GREM2: variants seen among roughly 807,000 people sequenced by gnomAD.
The protein encoded by GREM2 is gremlin-2.
In GREM2, 11 loss-of-function variants were observed where a neutral mutation model predicts 14.2. That is an observed-to-expected ratio of 0.78 (90% CI 0.49 to 1.28). The LOEUF is 1.28. GREM2 is among the 50% of genes most tolerant of loss of function. The pLI is 0.00. For missense variants in GREM2, 210 were observed against 218.5 expected (o/e 0.96, Z 0.24); for synonymous variants, 98 against 97.6 (o/e 1.00, Z -0.02).
intron 1 of GREM2, among the ~76,000 whole-genome samples, chr1:240,529,320 G>C (rs1475260574): frequency 8.2e-6 from 1 of 121,336 alleles, no homozygotes; most frequent in Non-Finnish European, 1.6e-5. Context: ...TTGTATATTT[G>C]CATCAAAGAA....
intron 1 of GREM2, among the ~76,000 whole-genome samples, chr1:240,599,830 T>C (rs895838557): frequency 6.6e-6 from 1 of 152,192 alleles, no homozygotes; most frequent in Non-Finnish European, 1.5e-5. Context: ...ACTGTTTCAG[T>C]GGACCTCGGC....
rs1321723330 is a variant in GREM2 at position 240,561,693 on chromosome 1, T to C, written c.-2+50191A>G. ...ATTAGTCACACAAAATAATCCTGCATACACACACACACACACACACACACA... is the reference window on the plus strand; with the variant it reads ...ATTAGTCACACAAAATAATCCTGCACACACACACACACACACACACACACA... On this transcript the variant is annotated intron_variant, in intron 1 of 1. Transcript: ENST00000318160. Among the ~76,000 whole-genome samples, 4 of 145,630 alleles carry C rather than the reference T, an allele frequency of 2.7e-5. No individual in the cohort carries two copies. The East Asian group carries it at 6.1e-4, about 22-fold the overall frequency.
At chr1:240,519,399 A>G (rs183690629) in intron 1 of GREM2, among the ~76,000 whole-genome samples, 1 of 147,044 alleles carries the variant, frequency 6.8e-6, no homozygotes, top group East Asian at 2.0e-4. Flanking sequence ...TTCATGCTTC[A>G]TCTCTATCCT....
At chr1:240,512,885 T>G (rs1677863907) in intron 1 of GREM2, among the ~76,000 whole-genome samples, 1 of 152,184 alleles carries the variant, frequency 6.6e-6, no homozygotes, top group Non-Finnish European at 1.5e-5. Context: ...AACACTACTT[T>G]GGCACTTTCA....
At position 240,492,582 on chromosome 1, in the gene GREM2, G is replaced by A. The variant is rs1328343888; in HGVS notation, c.*387C>T. ...TTCACTTCGCGCGGGAAAGGGGCGA[G>A]CTGGAGTGCAGGGCGGGGCCAGGGA... On this transcript the variant is annotated 3_prime_UTR_variant, in exon 2 of 2. Coordinates refer to ENST00000318160, the MANE Select transcript of GREM2 (RefSeq NM_022469.4). The A allele has an allele frequency of 6.1e-6, 1 of 164,164 alleles. No individual in the cohort carries two copies. 10.2% of individuals were successfully genotyped at this position (164,164 alleles called of 1,614,324 possible).
chr1:240,542,729 T>C lies in GREM2; in HGVS notation c.-1-49253A>G, dbSNP rs2103327570. 6.6e-6 allele frequency among the ~76,000 whole-genome samples: 1 copy of C among 152,304 alleles called. No homozygotes were observed. Among genetic ancestry groups the C allele is most frequent in the South Asian group, 2.1e-4 (1 of 4,826 alleles). ...CACTCAGTTTTGACAGAATTTGAATTATCTGATGGTTTGGCATAAGAAGAT... is the reference window on the plus strand; with the variant it reads ...CACTCAGTTTTGACAGAATTTGAATCATCTGATGGTTTGGCATAAGAAGAT... On this transcript the variant is annotated intron_variant, in intron 1 of 1. Coordinates refer to ENST00000318160, the MANE Select transcript of GREM2 (RefSeq NM_022469.4). The surrounding 1 kb of genome is among the most constrained non-coding windows in gnomAD (Gnocchi z 4.1).
At chr1:240,497,215 C>T (rs1408038879) in intron 1 of GREM2, among the ~76,000 whole-genome samples, 1 of 152,160 alleles carries the variant, frequency 6.6e-6, no homozygotes. Flanking sequence ...TTACAGTGCA[C>T]ATTCCTGGGC....
chr1:240,563,302 C>A, intron 1 of GREM2, among the ~76,000 whole-genome samples: 1 of 151,926 alleles, frequency 6.6e-6, no homozygotes, highest in Non-Finnish European at 1.5e-5. Flanking sequence ...CTGCAGTGTT[C>A]TAAAAAAAAT....
At chr1:240,497,729 C>T (rs1327105287) in intron 1 of GREM2, among the ~76,000 whole-genome samples, 1 of 150,538 alleles carries the variant, frequency 6.6e-6, no homozygotes, top group African/African-American at 2.4e-5. Context: ...GGGTTTTTCT[C>T]ATGCCTCCTT....
chr1:240,541,074 A>C (rs2103325637), intron 1 of GREM2, among the ~76,000 whole-genome samples: 1 of 152,344 alleles, frequency 6.6e-6, no homozygotes, highest in East Asian at 1.9e-4. Flanking sequence ...GAATACAAAG[A>C]GAAATTTAAT....
intron 1 of GREM2, among the ~76,000 whole-genome samples, chr1:240,545,269 C>T (rs74149157): frequency 0.027 from 4,154 of 152,314 alleles, 198 homozygotes; most frequent in African/African-American, 0.095. Flanking sequence ...CAAAACCCCC[C>T]AAAAGGGGTT....
At chr1:240,547,405 C>T (rs1180860773) in intron 1 of GREM2, among the ~76,000 whole-genome samples, 1 of 150,240 alleles carries the variant, frequency 6.7e-6, no homozygotes, top group Non-Finnish European at 1.5e-5. Context: ...GAGGCTGAGG[C>T]AGGAGAATCG....
chr1:240,517,113 C>CA (rs1235217569), intron 1 of GREM2, among the ~76,000 whole-genome samples: 8 of 151,892 alleles, frequency 5.3e-5, no homozygotes, highest in Non-Finnish European at 1.0e-4. Flanking sequence ...AATATTTGTC[C>CA]AAAAAAACAA....
intron 1 of GREM2, among the ~76,000 whole-genome samples, chr1:240,515,197 T>G (rs1677927556): frequency 6.6e-6 from 1 of 152,204 alleles, no homozygotes; most frequent in Non-Finnish European, 1.5e-5. Context: ...CCAAGTGATG[T>G]GCAATTGTGC....
At chr1:240,593,275 G>A (rs1679746065) in intron 1 of GREM2, among the ~76,000 whole-genome samples, 1 of 152,164 alleles carries the variant, frequency 6.6e-6, no homozygotes, top group South Asian at 2.1e-4. Context: ...GGGGGAAGAG[G>A]CTGCTTTGCA....
intron 1 of GREM2, among the ~76,000 whole-genome samples, chr1:240,577,288 C>G (rs2103372468): frequency 6.6e-6 from 1 of 151,828 alleles, no homozygotes; most frequent in Middle Eastern, 3.4e-3. Context: ...AGAAAAAGTC[C>G]TAAAATTAAA....
At chr1:240,610,463 A>AT (rs1680111294) in intron 1 of GREM2, among the ~76,000 whole-genome samples, 1 of 152,246 alleles carries the variant, frequency 6.6e-6, no homozygotes, top group African/African-American at 2.4e-5. Context: ...CTAAGCATGC[A>AT]TTTCCTTTAA....
At chr1:240,589,723 T>A (rs1340174971) in intron 1 of GREM2, among the ~76,000 whole-genome samples, 4 of 152,094 alleles carry the variant, frequency 2.6e-5, no homozygotes. Context: ...CAGGTTGTAC[T>A]CAGGAGGGAA....
At chr1:240,521,126 T>A (rs1207783626) in intron 1 of GREM2, among the ~76,000 whole-genome samples, 1 of 152,144 alleles carries the variant, frequency 6.6e-6, no homozygotes, top group Non-Finnish European at 1.5e-5. Flanking sequence ...CTTGCTCTGT[T>A]CCATTCCCTA....
Sources: allele counts gnomAD v4.1 joint callset (sites outside exome capture counted in the v4.1 genomes callset), GRCh38; gene constraint gnomAD v4.1.1; non-coding constraint Gnocchi (gnomAD v3.1); transcripts MANE v1.5; gene names NCBI Gene and HGNC (gene_info 2026-07-23, HGNC 2026-07-21).